SUPT16H: variants seen among roughly 807,000 people sequenced by gnomAD.
SUPT16H encodes FACT complex subunit SPT16.
Under a neutral mutation model 136.2 loss-of-function variants are expected in SUPT16H, and 24 were observed. The observed-to-expected ratio is 0.18, with a 90% CI of 0.13 to 0.25. The LOEUF (loss-of-function observed/expected upper bound fraction) is 0.25. Among genes scored for constraint, SUPT16H ranks in the 10% least tolerant of loss-of-function variants. SUPT16H has a pLI of 1.00. For synonymous variants in SUPT16H, 415 were observed against 428.2 expected (o/e 0.97, Z 0.38); for missense variants, 623 against 1,270.2 (o/e 0.49, Z 7.74).
chr14:21,355,510 TAATAA>T (rs1566380832), intron 22 of SUPT16H, among the ~76,000 whole-genome samples: 1 of 30,272 alleles, frequency 3.3e-5, no homozygotes, highest in Non-Finnish European at 6.5e-5. Context: ...TATATAATAA[TAATAA>T]AAAAAAAAAA....
chr14:21,367,893 T>C (rs540163457), intron 7 of SUPT16H, among the ~76,000 whole-genome samples: 3 of 152,306 alleles, frequency 2.0e-5, no homozygotes, highest in Admixed American at 2.0e-4. Context: ...ATAACACTAA[T>C]GACATTTCTT....
intron 4 of SUPT16H, 74 bp from the exon 5 acceptor site, chr14:21,369,970 A>G (rs564488054): frequency 1.3e-6 from 2 of 1,528,770 alleles, no homozygotes; most frequent in East Asian, 2.3e-5. Context: ...TCCAATTTGA[A>G]TATTACCAGT....
At chr14:21,378,662 G>T (rs1185880615) in intron 1 of SUPT16H, among the ~76,000 whole-genome samples, 1 of 152,156 alleles carries the variant, frequency 6.6e-6, no homozygotes, top group Non-Finnish European at 1.5e-5. Context: ...ATGACACAAA[G>T]AAGTTAAATT....
intron 1 of SUPT16H, among the ~76,000 whole-genome samples, chr14:21,382,586 A>G (rs1303821380): frequency 6.6e-6 from 1 of 152,208 alleles, no homozygotes; most frequent in East Asian, 1.9e-4. Context: ...GGTACAAGAG[A>G]GGGCTTCGGA....
Position 21,362,848 on chromosome 14 carries a change from A to G in SUPT16H, c.1611T>C (p.Thr537=). The G allele has an allele frequency of 6.2e-7, 1 of 1,613,472 alleles. No homozygotes were observed. The highest frequency in any genetic ancestry group is 8.5e-7 in the Non-Finnish European group (1 of 1,179,912). ...CAATGCCAAACACGGGCATTATTAC[A>G]GTCTCATATTTCTTATCGATGTAGA... is the stretch of plus-strand genomic sequence containing the variant. ...MKIYIDKKYE[T]VIMPVFGIAT... The change falls in exon 14 of 26, where the codon ACT becomes ACC. Residue 537 remains threonine, a synonymous_variant. Transcript: ENST00000216297.
At chr14:21,364,382 G>C (rs961012667) in intron 10 of SUPT16H, among the ~76,000 whole-genome samples, 6 of 152,074 alleles carry the variant, frequency 3.9e-5, no homozygotes, top group Non-Finnish European at 8.8e-5. Context: ...GGGGGATGGG[G>C]AGTGACTGCT....
intron 7 of SUPT16H, among the ~76,000 whole-genome samples, chr14:21,367,233 G>A (rs546167076): frequency 1.6e-4 from 25 of 152,266 alleles, no homozygotes; most frequent in African/African-American, 5.8e-4. Context: ...ACCCGGCCCC[G>A]ATCCCATTCT....
chr14:21,357,018 G>C (rs977906718), intron 22 of SUPT16H, among the ~76,000 whole-genome samples, 179 bp downstream of exon 22: 2 of 152,176 alleles, frequency 1.3e-5, no homozygotes, highest in African/African-American at 4.8e-5. Flanking sequence ...GGGAATTCAA[G>C]AAAAAGTGAA....
rs1037862829 is a variant in SUPT16H at position 21,373,280 on chromosome 14, A to G, written c.159+58T>C. On this transcript the variant is annotated intron_variant, in intron 2 of 25. Transcript: ENST00000216297. ...AGTTTTAATGTGGCTACCATACTGA[A>G]CAGTGCAGTAGATAATCCAACAACT... 2.9e-5 allele frequency: 38 copies of G among 1,309,712 alleles called. No homozygotes were observed. In the African/African-American group the frequency reaches 4.7e-4, roughly 16 times the overall value. The allele number at this position is 1,309,712 out of a possible 1,614,324, so 81.1% of individuals were successfully genotyped here. A position where few individuals can be genotyped will look rare whatever the true frequency, so the allele number is the denominator to read the frequency against.
chr14:21,360,068 C>T (rs1324336423), intron 18 of SUPT16H, among the ~76,000 whole-genome samples: 1 of 152,142 alleles, frequency 6.6e-6, no homozygotes, highest in African/African-American at 2.4e-5. Flanking sequence ...CACGCTGTCG[C>T]CCAGGCTGGA....
At chr14:21,353,904 C>A in intron 23 of SUPT16H, 72 bp from the exon 24 acceptor site, 1 of 1,444,666 alleles carries the variant, frequency 6.9e-7, no homozygotes, top group Non-Finnish European at 9.4e-7. Context: ...TAATTCAGCC[C>A]ACATAGTATA....
chr14:21,358,272 A>G (rs747012115), intron 20 of SUPT16H, 43 bp downstream of exon 20: 6 of 1,216,786 alleles, frequency 4.9e-6, no homozygotes, highest in Non-Finnish European at 6.0e-6. Flanking sequence ...TTGTACCAAA[A>G]GACAGACCAG....
chr14:21,366,236 G>T (rs769083978), intron 8 of SUPT16H, among the ~76,000 whole-genome samples: 3 of 152,180 alleles, frequency 2.0e-5, no homozygotes, highest in Admixed American at 1.3e-4. Flanking sequence ...CACCACACTG[G>T]TCTAGAAAAA....
chr14:21,378,525 T>TG (rs1886953954), intron 1 of SUPT16H, among the ~76,000 whole-genome samples: 1 of 152,126 alleles, frequency 6.6e-6, no homozygotes. Context: ...GTTAACTGTG[T>TG]GGGGTGGTGG....
intron 2 of SUPT16H, 133 bp from the exon 3 acceptor site, chr14:21,372,177 T>A: frequency 9.9e-7 from 1 of 1,009,062 alleles, no homozygotes; most frequent in East Asian, 2.7e-5. Flanking sequence ...GGCTGGGGAG[T>A]CTGGAGTGGA....
In SUPT16H at chr14:21,362,869, G is replaced by A. The variant is rs760613677; in HGVS notation, c.1590C>T (p.Tyr530=). ...TTACAGTCTCATATTTCTTATCGAT[G>A]TAGATCTTCATTTCCCGAATATGTG... The part of the protein sequence containing the change: ...KEPHIREMKI[Y]IDKKYETVIM... Residue 530 remains tyrosine, a synonymous_variant, in exon 14 of 26, where the codon TAC becomes TAT. Transcript: ENST00000216297. 6.2e-7 allele frequency: 1 copy of A among 1,613,974 alleles called. No individual in the cohort carries two copies. The highest frequency in any genetic ancestry group is 1.1e-5 in the South Asian group (1 of 91,058).
intron 1 of SUPT16H, among the ~76,000 whole-genome samples, chr14:21,381,852 C>T (rs562613085): frequency 6.6e-6 from 1 of 151,320 alleles, no homozygotes; most frequent in African/African-American, 2.4e-5. Context: ...AACTCCTGGC[C>T]TCATGTGCTG....
chr14:21,371,732 A>G (rs1886789364), intron 3 of SUPT16H, 142 bp downstream of exon 3: 1 of 906,076 alleles, frequency 1.1e-6, no homozygotes, highest in South Asian at 1.8e-5. Context: ...CCTAACAATG[A>G]AGACGTGACA....
chr14:21,382,679 CTGAG>C (rs1013561938), intron 1 of SUPT16H, among the ~76,000 whole-genome samples: 9 of 7,366 alleles, frequency 1.2e-3, no homozygotes, highest in East Asian at 0.012. Flanking sequence ...TAATATGACA[CTGAG>C]AGAAGCTGCA....
Sources: allele counts gnomAD v4.1 joint callset (sites outside exome capture counted in the v4.1 genomes callset), GRCh38; gene constraint gnomAD v4.1.1; transcripts MANE v1.5; gene names NCBI Gene and HGNC (gene_info 2026-07-23, HGNC 2026-07-21).